PPM1L: variants seen among roughly 807,000 people sequenced by gnomAD.
PPM1L encodes protein phosphatase, Mg2+/Mn2+ dependent 1L.
PPM1L carries 13 observed loss-of-function variants against 31.4 expected under a neutral mutation model. That is an observed-to-expected ratio of 0.41 (90% CI 0.27 to 0.66). The LOEUF (loss-of-function observed/expected upper bound fraction) is 0.66, where lower values mean the gene tolerates loss of function less well. Among genes scored for constraint, PPM1L ranks in the 30% least tolerant of loss-of-function variants. PPM1L has a pLI of 0.29. For missense variants in PPM1L, 326 were observed against 453.7 expected (o/e 0.72, Z 2.56); for synonymous variants, 184 against 175.4 (o/e 1.05, Z -0.39).
chr3:160,770,916 G>T (rs952144588), intron 1 of PPM1L, among the ~76,000 whole-genome samples: 13 of 152,136 alleles, frequency 8.5e-5, no homozygotes, highest in African/African-American at 3.1e-4. Flanking sequence ...TACTGAGTGA[G>T]GTTAGGTCCT....
rs530376281 is a variant in PPM1L, at chr3:160,935,907, C to T, written c.400-25829C>T. 9.8e-5 allele frequency among the ~76,000 whole-genome samples: 15 copies of T among 152,308 alleles called. 1 individual carries two copies. The South Asian group carries it at 2.9e-3, about 29-fold the overall frequency. On this transcript the variant is annotated intron_variant, in intron 1 of 3. Transcript: ENST00000498165. ...GCAATCCCAGCTGCTGTGTCCTCAG[C>T]CACCATTGGTCTCTCAGGCCTGCAT...
chr3:160,796,619 T>A (rs1712258390), intron 1 of PPM1L, among the ~76,000 whole-genome samples: 1 of 152,150 alleles, frequency 6.6e-6, no homozygotes, highest in African/African-American at 2.4e-5. Context: ...TCTTTGGCTA[T>A]CTCTGGGAAG....
chr3:161,015,604 C>G (rs1718061378), intron 2 of PPM1L, among the ~76,000 whole-genome samples: 1 of 152,202 alleles, frequency 6.6e-6, no homozygotes, highest in African/African-American at 2.4e-5. Context: ...CGAGATAGGT[C>G]TGGGCCCTTC....
At chr3:160,907,589 AT>A (rs1713807468) in intron 1 of PPM1L, among the ~76,000 whole-genome samples, 1 of 152,074 alleles carries the variant, frequency 6.6e-6, no homozygotes, top group African/African-American at 2.4e-5. Flanking sequence ...AATTGCTGAG[AT>A]TTTATCATAA....
At chr3:160,783,897 GA>G (rs1228733628) in intron 1 of PPM1L, among the ~76,000 whole-genome samples, 1 of 152,120 alleles carries the variant, frequency 6.6e-6, no homozygotes, top group Admixed American at 6.5e-5. Flanking sequence ...CTGATAGTTA[GA>G]AGAGATGGCT....
intron 2 of PPM1L, among the ~76,000 whole-genome samples, chr3:160,970,703 C>G (rs1461233404): frequency 2.0e-5 from 3 of 151,784 alleles, no homozygotes; most frequent in African/African-American, 7.3e-5. Flanking sequence ...AGTGATTCAC[C>G]CACCTTAGCC....
intron 1 of PPM1L, among the ~76,000 whole-genome samples, chr3:160,868,762 C>CA (rs1013168800): frequency 2.7e-5 from 4 of 148,588 alleles, no homozygotes; most frequent in Admixed American, 6.7e-5. Context: ...GTATTTTAAA[C>CA]AAAAAAACAC....
At chr3:160,883,446 C>T (rs906104764) in intron 1 of PPM1L, among the ~76,000 whole-genome samples, 2 of 152,088 alleles carry the variant, frequency 1.3e-5, no homozygotes, top group Non-Finnish European at 2.9e-5. Flanking sequence ...CCAGTTTAGG[C>T]TACATTTTCC....
chr3:160,831,089 G>A (rs1374958408), intron 1 of PPM1L, among the ~76,000 whole-genome samples: 1 of 152,204 alleles, frequency 6.6e-6, no homozygotes, highest in Non-Finnish European at 1.5e-5. Flanking sequence ...ATGTTTCATA[G>A]TTGCTAGGGA....
intron 1 of PPM1L, among the ~76,000 whole-genome samples, chr3:160,775,861 C>A (rs1711547132): frequency 1.3e-5 from 2 of 152,120 alleles, no homozygotes; most frequent in Admixed American, 6.6e-5. Context: ...TAGTGAATAT[C>A]AAAAAGTGGG....
At chr3:160,761,993 G>T (rs551109412) in intron 1 of PPM1L, among the ~76,000 whole-genome samples, 88 of 152,256 alleles carry the variant, frequency 5.8e-4, no homozygotes, top group African/African-American at 2.0e-3. Context: ...GATGAGATTT[G>T]GGTGGGGACA....
At chr3:160,881,780 G>C (rs1443029026) in intron 1 of PPM1L, among the ~76,000 whole-genome samples, 1 of 152,148 alleles carries the variant, frequency 6.6e-6, no homozygotes, top group East Asian at 1.9e-4. Flanking sequence ...GGCCGGGCGC[G>C]GTGGCTCACG....
At chr3:160,805,809 C>G (rs2108080783) in intron 1 of PPM1L, among the ~76,000 whole-genome samples, 1 of 152,294 alleles carries the variant, frequency 6.6e-6, no homozygotes, top group Middle Eastern at 3.4e-3. Flanking sequence ...AAAGGTGTAG[C>G]CCATACCTGT....
At chr3:160,903,184 TGTGTGTGTGG>T (rs1395923547) in intron 1 of PPM1L, among the ~76,000 whole-genome samples, 1 of 139,972 alleles carries the variant, frequency 7.1e-6, no homozygotes, top group Non-Finnish European at 1.5e-5. Context: ...TGTGTGTGTG[TGTGTGTGTGG>T]TATGTGTGTA....
At chr3:160,962,701 GT>G (rs1421918039) in intron 2 of PPM1L, among the ~76,000 whole-genome samples, 1 of 151,972 alleles carries the variant, frequency 6.6e-6, no homozygotes, top group African/African-American at 2.4e-5. Flanking sequence ...ATTTTTACAA[GT>G]ATTTTTTAGC....
chr3:161,033,106 A>G (rs1207336661), intron 2 of PPM1L, among the ~76,000 whole-genome samples: 1 of 152,146 alleles, frequency 6.6e-6, no homozygotes, highest in African/African-American at 2.4e-5. Flanking sequence ...TACAAAGAAA[A>G]TAAAGTACCT....
Position 160,835,095 on chromosome 3 carries a change from T to C in PPM1L, c.399+78388T>C, listed in dbSNP as rs1463226118. On this transcript the variant is annotated intron_variant, in intron 1 of 3. Coordinates refer to ENST00000498165, the MANE Select transcript of PPM1L (RefSeq NM_139245.4). Reference sequence around the variant, plus strand: ...CTTCTTCTTCTTCTTCTTTCTTTTTTCTTTCTTCTTTCTTCCTTCTTCTTT... The same window carrying C: ...CTTCTTCTTCTTCTTCTTTCTTTTTCCTTTCTTCTTTCTTCCTTCTTCTTT... Among the ~76,000 whole-genome samples the C allele has an allele frequency of 3.4e-5, 5 of 145,674 alleles. No homozygotes were observed. The South Asian group carries it at 8.5e-4, about 25-fold the overall frequency.
At position 160,824,366 on chromosome 3, in the gene PPM1L, A is replaced by G. The variant is rs149014948; in HGVS notation, c.399+67659A>G. On this transcript the variant is annotated intron_variant, in intron 1 of 3. Transcript: ENST00000498165. ...TCTGTTGTGTGTTAGCTACCTGCCT[A>G]TGGTACTTTGTTATAGCAGCCTGAA... Among the ~76,000 whole-genome samples the G allele has an allele frequency of 7.0e-3, 1,071 of 152,324 alleles. 12 individuals carry two copies. Among genetic ancestry groups the G allele is most frequent in the African/African-American group, 0.025 (1,036 of 41,588 alleles).
chr3:160,927,328 T>C (rs1310701934), intron 1 of PPM1L, among the ~76,000 whole-genome samples: 3 of 152,238 alleles, frequency 2.0e-5, no homozygotes, highest in African/African-American at 7.2e-5. Context: ...TGTGATATGA[T>C]GGATGTTTAA....
Sources: gnomAD v4.1 joint callset for allele counts (sites outside exome capture counted in the v4.1 genomes callset) on GRCh38, gnomAD v4.1.1 for gene constraint, MANE v1.5 for transcripts, NCBI Gene and HGNC (gene_info 2026-07-23, HGNC 2026-07-21) for gene names.